MORN4: variants seen among roughly 807,000 people sequenced by gnomAD.
MORN4 encodes the protein MORN repeat-containing protein 4.
A neutral mutation model predicts 16.4 loss-of-function variants in MORN4; 8 were observed. The observed-to-expected ratio is 0.49, with a 90% CI of 0.29 to 0.88. MORN4 has a LOEUF of 0.88. Ranked by LOEUF, MORN4 falls within the 40% of genes least tolerant of loss-of-function variation. MORN4 has a pLI of 0.09. For missense variants in MORN4, 159 were observed against 182.9 expected (o/e 0.87, Z 0.75); for synonymous variants, 53 against 68.9 (o/e 0.77, Z 1.14).
intron 2 of MORN4, 191 bp downstream of exon 2, chr10:97,619,396 T>A: frequency 1.7e-6 from 1 of 594,626 alleles, no homozygotes; most frequent in Non-Finnish European, 3.0e-6. Context: ...TTCCTGGAGG[T>A]TGAATTAACA....
At position 97,633,467 on chromosome 10, in the gene MORN4, C is replaced by T. The variant is rs760092645; in HGVS notation, c.-151G>A. The stretch of plus-strand genomic sequence containing the variant: ...CTCCGCCACCTCCACCAGCGATTGC[C>T]CCACTTGACGCCGCCATCCTGGGCG... On this transcript the variant is annotated 5_prime_UTR_variant, in exon 1 of 5. Transcript: ENST00000307450. This position sits in a 1 kb window ranked among gnomAD's most constrained non-coding sequence, Gnocchi z 4.5. 34 of 1,289,752 alleles carry T rather than the reference C, an allele frequency of 2.6e-5. 1 individual carries two copies. In the South Asian group the frequency reaches 3.8e-4, roughly 15 times the overall value. The allele number at this position is 1,289,752 out of a possible 1,614,324, so 79.9% of individuals were successfully genotyped here. A position where few individuals can be genotyped will look rare whatever the true frequency, so the allele number is the denominator to read the frequency against.
At position 97,615,236 on chromosome 10, in the gene MORN4, C is replaced by G. The variant is rs374320860; in HGVS notation, c.*1027G>C. On this transcript the variant is annotated 3_prime_UTR_variant, in exon 5 of 5. Coordinates refer to ENST00000307450, the MANE Select transcript of MORN4 (RefSeq NM_178832.4). The stretch of plus-strand genomic sequence containing the variant: ...GGAATGAATACCAGTCTGATCAGAC[C>G]AAGTGGAAGCCTGCAGCCATGATTC... 2.6e-5 allele frequency: 4 copies of G among 152,494 alleles called. No individual in the cohort carries two copies. Among genetic ancestry groups the G allele is most frequent in the African/African-American group, 9.7e-5 (4 of 41,396 alleles). 9.4% of individuals were successfully genotyped at this position (152,494 alleles called of 1,614,324 possible).
chr10:97,622,757 A>G (rs527497742), intron 1 of MORN4, among the ~76,000 whole-genome samples: 1 of 151,908 alleles, frequency 6.6e-6, no homozygotes, highest in Non-Finnish European at 1.5e-5. Context: ...AAATCATTAA[A>G]TATAAACAGA....
At chr10:97,622,751 C>A (rs2041313181) in intron 1 of MORN4, among the ~76,000 whole-genome samples, 2 of 149,858 alleles carry the variant, frequency 1.3e-5, no homozygotes, top group African/African-American at 4.9e-5. Context: ...CCCCCAAAAT[C>A]ATTAAATATA....
In MORN4 at chr10:97,621,627, C is replaced by T. The variant is rs1287486590; in HGVS notation, c.-30-1944G>A. ...GGGTGCGGTGGCTCACGCCTGTAATCCCAGCACTCTGGGAGGCGGAGTGGG... is the reference window on the plus strand; with the variant it reads ...GGGTGCGGTGGCTCACGCCTGTAATTCCAGCACTCTGGGAGGCGGAGTGGG... On this transcript the variant is annotated intron_variant, in intron 1 of 4. Coordinates refer to ENST00000307450, the MANE Select transcript of MORN4 (RefSeq NM_178832.4). 2.0e-5 allele frequency among the ~76,000 whole-genome samples: 3 copies of T among 152,180 alleles called. No homozygotes were observed. In the East Asian group the frequency reaches 5.8e-4, roughly 29 times the overall value.
At chr10:97,616,528 T>C (rs2041237793) in intron 4 of MORN4, 117 bp from the exon 5 acceptor site, 4 of 1,300,134 alleles carry the variant, frequency 3.1e-6, no homozygotes, top group Non-Finnish European at 4.3e-6. Flanking sequence ...CCAGCTCTAC[T>C]CAGGAGTACT....
At chr10:97,629,154 G>A (rs574955531) in intron 1 of MORN4, among the ~76,000 whole-genome samples, 4 of 152,182 alleles carry the variant, frequency 2.6e-5, no homozygotes, top group Non-Finnish European at 2.9e-5. Context: ...TTGGGAGGCC[G>A]AGGCGGACGG....
chr10:97,627,680 C>T lies in MORN4; in HGVS notation c.-31+5667G>A, dbSNP rs75565105. On this transcript the variant is annotated intron_variant, in intron 1 of 4. Transcript: ENST00000307450. The stretch of plus-strand genomic sequence containing the variant: ...GACTCTTCTAGAGATATTTGGGGGC[C>T]ACTCCCATAGGACTTTCTCCCTTCT... Among the ~76,000 whole-genome samples the T allele has an allele frequency of 7.2e-5, 11 of 152,330 alleles. No individual in the cohort carries two copies. In the East Asian group the frequency reaches 1.3e-3, roughly 19 times the overall value.
At chr10:97,630,883 G>T (rs990067063) in intron 1 of MORN4, among the ~76,000 whole-genome samples, 1 of 152,000 alleles carries the variant, frequency 6.6e-6, no homozygotes, top group African/African-American at 2.4e-5. Flanking sequence ...AGGCAGTCTG[G>T]CTCTGTCATC....
In MORN4 at chr10:97,616,662, C is replaced by G. The variant is rs896695829; in HGVS notation, c.292+16G>C. ...ATGCCCACCTAAGTCAGCCATCCTG[C>G]TGGGCTGCAACTTACCAAAACCATC... On this transcript the variant is annotated intron_variant, in intron 4 of 4. Transcript: ENST00000307450. 1.1e-5 allele frequency: 18 copies of G among 1,589,584 alleles called. No homozygotes were observed. Among genetic ancestry groups the G allele is most frequent in the Non-Finnish European group, 1.6e-5 (18 of 1,157,658 alleles).
chr10:97,622,501 T>C (rs4917777), intron 1 of MORN4, among the ~76,000 whole-genome samples: 47,980 of 151,492 alleles, frequency 0.32, 9,533 homozygotes, highest in African/African-American at 0.57. Context: ...GCCTGGGCAA[T>C]ATGGTGAAAC....
upstream of MORN4, chr10:97,633,615 C>T (rs1214568075): frequency 7.8e-7 from 1 of 1,288,034 alleles, no homozygotes; most frequent in Non-Finnish European, 1.0e-6. This position sits in a 1 kb window ranked among gnomAD's most constrained non-coding sequence, Gnocchi z 4.5. Flanking sequence ...TGTTTGCGAA[C>T]CCGGGCTGAC....
intron 1 of MORN4, among the ~76,000 whole-genome samples, chr10:97,626,392 AATAATCATAATC>A (rs201213853): frequency 0.012 from 1,327 of 115,352 alleles, 8 homozygotes; most frequent in Middle Eastern, 0.044. Flanking sequence ...TAATAATAAT[AATAATCATAATC>A]ATAATCATAA....
intron 1 of MORN4, among the ~76,000 whole-genome samples, chr10:97,620,167 G>C (rs948931297): frequency 6.6e-6 from 1 of 151,862 alleles, no homozygotes; most frequent in African/African-American, 2.4e-5. Flanking sequence ...AGTGGAGAAG[G>C]CAAAGAGCAA....
intron 1 of MORN4, among the ~76,000 whole-genome samples, chr10:97,630,284 G>A (rs537473497): frequency 1.3e-5 from 2 of 152,176 alleles, no homozygotes; most frequent in African/African-American, 4.8e-5. Context: ...AGCCAGGATG[G>A]TCTTGATCTC....
At chr10:97,628,582 G>T (rs1349857146) in intron 1 of MORN4, among the ~76,000 whole-genome samples, 4 of 150,644 alleles carry the variant, frequency 2.7e-5, no homozygotes, top group Non-Finnish European at 1.5e-5. Flanking sequence ...CACACAGGCT[G>T]AAGTCTAATG....
intron 2 of MORN4, among the ~76,000 whole-genome samples, chr10:97,619,248 C>T (rs1367896798): frequency 6.6e-6 from 1 of 152,054 alleles, no homozygotes; most frequent in Non-Finnish European, 1.5e-5. Flanking sequence ...TCGCTTGAAC[C>T]CAGGGGGCAG....
At chr10:97,622,259 G>A (rs1001946427) in intron 1 of MORN4, among the ~76,000 whole-genome samples, 3 of 152,206 alleles carry the variant, frequency 2.0e-5, no homozygotes, top group African/African-American at 7.2e-5. Flanking sequence ...TCAGGCATGA[G>A]TCTGGGAGAT....
At chr10:97,622,086 C>A (rs1261496319) in intron 1 of MORN4, among the ~76,000 whole-genome samples, 2 of 152,116 alleles carry the variant, frequency 1.3e-5, no homozygotes, top group Non-Finnish European at 2.9e-5. Flanking sequence ...TCCCAGCTGG[C>A]CACAGATGAA....
Sources: gnomAD v4.1 joint callset for allele counts (sites outside exome capture counted in the v4.1 genomes callset) on GRCh38, gnomAD v4.1.1 for gene constraint, Gnocchi (gnomAD v3.1) non-coding constraint, MANE v1.5 for transcripts, NCBI Gene and HGNC (gene_info 2026-07-23, HGNC 2026-07-21) for gene names.